DENND4C: variants seen among roughly 807,000 people sequenced by gnomAD.
The protein encoded by DENND4C is DENN domain containing 4C, also known as DENN domain-containing protein 4C.
In DENND4C, 108 loss-of-function variants were observed where a neutral mutation model predicts 203.0. The ratio of observed to expected loss-of-function variants is 0.53; its 90% CI spans 0.46 to 0.62. The LOEUF (loss-of-function observed/expected upper bound fraction) is 0.62, where lower values mean the gene tolerates loss of function less well. Ranked by LOEUF, DENND4C falls within the 20% of genes least tolerant of loss-of-function variation. The pLI, the probability that DENND4C is intolerant of heterozygous loss-of-function variation, is 0.00. For synonymous variants in DENND4C, 871 were observed against 792.4 expected, an observed-to-expected ratio of 1.10 and a Z score of -1.67; for missense variants, 2,481 against 2,301.2, an observed-to-expected ratio of 1.08 and a Z score of -1.60.
intron 22 of DENND4C, among the ~76,000 whole-genome samples, chr9:19,344,660 T>A (rs1459323780): frequency 6.6e-6 from 1 of 152,128 alleles, no homozygotes; most frequent in East Asian, 1.9e-4. Flanking sequence ...TGCCACCACA[T>A]CTGGCTAATT....
At chr9:19,292,056 C>G (rs73433194) in intron 5 of DENND4C, among the ~76,000 whole-genome samples, 26,772 of 151,820 alleles carry the variant, frequency 0.18, 2,574 homozygotes, top group Non-Finnish European at 0.21. Flanking sequence ...CGGAATGTCA[C>G]TCTTGTTGCC....
chr9:19,345,368 G>A (rs1055112823), intron 22 of DENND4C, among the ~76,000 whole-genome samples: 61 of 152,256 alleles, frequency 4.0e-4, no homozygotes, highest in African/African-American at 1.2e-3. Flanking sequence ...ACTAGTAGAC[G>A]TTTAGTATTT....
chr9:19,347,982 A>G (rs1171761109), intron 23 of DENND4C, among the ~76,000 whole-genome samples: 5 of 152,196 alleles, frequency 3.3e-5, no homozygotes. Flanking sequence ...TGTTTTACAG[A>G]AAAAAATTGA....
chr9:19,287,975 C>G (rs1365614142), intron 3 of DENND4C, among the ~76,000 whole-genome samples: 1 of 152,220 alleles, frequency 6.6e-6, no homozygotes, highest in Admixed American at 6.5e-5. Flanking sequence ...ACCTTGTGAT[C>G]CACCTGCCTC....
intron 9 of DENND4C, among the ~76,000 whole-genome samples, chr9:19,301,968 A>G (rs1202464144): frequency 1.3e-5 from 2 of 152,116 alleles, no homozygotes; most frequent in Non-Finnish European, 2.9e-5. Context: ...AATATTCCTT[A>G]CTAAAACAGT....
At chr9:19,274,591 G>T (rs150033411) in intron 1 of DENND4C, among the ~76,000 whole-genome samples, 1 of 152,094 alleles carries the variant, frequency 6.6e-6, no homozygotes, top group African/African-American at 2.4e-5. Flanking sequence ...CACCGTGCCC[G>T]GCCTGGATAT....
chr9:19,363,709 T>G (rs1563844402), intron 30 of DENND4C, among the ~76,000 whole-genome samples: 2 of 151,816 alleles, frequency 1.3e-5, no homozygotes, highest in Non-Finnish European at 2.9e-5. Flanking sequence ...TAACTTTATA[T>G]TTTAAAAAAG....
At chr9:19,241,385 AT>A (rs909078754) in intron 1 of DENND4C, among the ~76,000 whole-genome samples, 16 of 149,644 alleles carry the variant, frequency 1.1e-4, no homozygotes, top group Non-Finnish European at 1.8e-4. Context: ...TAAAAAATGA[AT>A]TTTTTTTTTA....
At position 19,345,949 on chromosome 9, in the gene DENND4C, T is replaced by C; in HGVS notation, c.3180T>C (p.Thr1060=). The C allele has an allele frequency of 1.9e-6, 3 of 1,613,556 alleles. No homozygotes were observed. In the South Asian group the frequency reaches 3.3e-5, roughly 18 times the overall value. ...GTATATCAAATGTGCTGTTTTCTAC[T>C]CAAGATCCAGTTGAAGATGCAGTCT... ...TGSISNVLFS[T]QDPVEDAVFG... Residue 1060 remains threonine (T), a synonymous_variant, in exon 23 of 33, where the codon ACT becomes ACC. Coordinates refer to ENST00000434457, the MANE Select transcript of DENND4C (RefSeq NM_001330640.2).
At chr9:19,355,675 C>T (rs886785245) in intron 26 of DENND4C, among the ~76,000 whole-genome samples, 8 of 151,894 alleles carry the variant, frequency 5.3e-5, no homozygotes, top group African/African-American at 1.9e-4. Context: ...TGTGTTGTAT[C>T]TCTGGTTAGT....
chr9:19,243,148 C>A (rs552844259), intron 1 of DENND4C, among the ~76,000 whole-genome samples: 3 of 152,180 alleles, frequency 2.0e-5, no homozygotes, highest in African/African-American at 7.2e-5. Context: ...TCTCCAATCC[C>A]TCTCTCCTGG....
At chr9:19,329,271 C>A (rs1467183060) in intron 16 of DENND4C, among the ~76,000 whole-genome samples, 1 of 152,150 alleles carries the variant, frequency 6.6e-6, no homozygotes, top group Non-Finnish European at 1.5e-5. Context: ...TTTCTGTCTA[C>A]AAATTTGTCT....
chr9:19,369,797 G>C, intron 30 of DENND4C, 40 bp from the exon 31 acceptor site: 1 of 1,181,376 alleles, frequency 8.5e-7, no homozygotes, highest in Non-Finnish European at 1.1e-6. Flanking sequence ...AATAATAATA[G>C]TAATAATTGA....
chr9:19,372,012 C>G, intron 32 of DENND4C, 25 bp from the exon 33 acceptor site: 1 of 1,598,664 alleles, frequency 6.3e-7, no homozygotes, highest in East Asian at 2.2e-5. Context: ...CAAATTACAA[C>G]TTCATTTTTG....
At chr9:19,327,905 C>A in intron 15 of DENND4C, 125 bp from the exon 16 acceptor site, 1 of 921,160 alleles carries the variant, frequency 1.1e-6, no homozygotes, top group Non-Finnish European at 1.5e-6. Context: ...AGTATTTTTT[C>A]TATATAAGCA....
At chr9:19,252,518 G>T (rs1028751080) in intron 1 of DENND4C, among the ~76,000 whole-genome samples, 1 of 152,098 alleles carries the variant, frequency 6.6e-6, no homozygotes, top group Non-Finnish European at 1.5e-5. Context: ...GGAGTCTAAG[G>T]CTGTGGTGAG....
intron 10 of DENND4C, among the ~76,000 whole-genome samples, chr9:19,307,835 A>G (rs559127253): frequency 2.6e-5 from 4 of 151,834 alleles, no homozygotes; most frequent in African/African-American, 7.2e-5. Context: ...CTCCACAACC[A>G]TATTTTGCTC....
chr9:19,332,517 ATTTT>A (rs11310338), intron 17 of DENND4C, among the ~76,000 whole-genome samples: 6 of 130,200 alleles, frequency 4.6e-5, no homozygotes, highest in Non-Finnish European at 8.0e-5. Flanking sequence ...TACCTGGCTA[ATTTT>A]TTTTTTTTTT....
intron 1 of DENND4C, among the ~76,000 whole-genome samples, chr9:19,256,493 T>C (rs1385897461): frequency 1.3e-5 from 2 of 151,628 alleles, no homozygotes; most frequent in Admixed American, 1.3e-4. Flanking sequence ...ATTTTGTACT[T>C]TTAGAAGAGA....
Sources: allele counts gnomAD v4.1 joint callset (sites outside exome capture counted in the v4.1 genomes callset), GRCh38; gene constraint gnomAD v4.1.1; transcripts MANE v1.5; gene names NCBI Gene and HGNC (gene_info 2026-07-23, HGNC 2026-07-21).